Variants in CCDC30 observed in about 807,000 individuals in gnomAD.
CCDC30 encodes coiled-coil domain containing 30.
In CCDC30, 70 loss-of-function variants were observed where a neutral mutation model predicts 100.2. The ratio of observed to expected loss-of-function variants is 0.70; its 90% CI spans 0.58 to 0.85. The LOEUF (loss-of-function observed/expected upper bound fraction) is 0.85. Ranked by LOEUF, CCDC30 falls within the 40% of genes least tolerant of loss-of-function variation. The pLI, the probability that CCDC30 is intolerant of heterozygous loss-of-function variation, is 0.00. For missense variants in CCDC30, 652 were observed against 771.2 expected (o/e 0.85, Z 1.83); for synonymous variants, 233 against 269.5 (o/e 0.86, Z 1.33).
In CCDC30 at chr1:42,581,533, TCA is replaced by T; in HGVS notation, c.1001+20_1001+21del. ...AGAAGAGGTAAGAGGAGCAGAGATC[TCA>T]GTTTCCTGTGGGTTTAGCCATGACT... On this transcript the variant is annotated intron_variant, in intron 9 of 16. Transcript: ENST00000668663. 6.2e-7 allele frequency: 1 copy of T among 1,600,886 alleles called. No homozygotes were observed. The highest frequency in any genetic ancestry group is 1.7e-4 in the Middle Eastern group (1 of 5,970).
chr1:42,635,098 C>T (rs956351029), intron 11 of CCDC30, among the ~76,000 whole-genome samples: 1 of 152,118 alleles, frequency 6.6e-6, no homozygotes, highest in African/African-American at 2.4e-5. Context: ...CTCTGTTGCC[C>T]AGGCTGGAGT....
At chr1:42,636,966 A>G (rs1647170950) in intron 11 of CCDC30, among the ~76,000 whole-genome samples, 1 of 41,640 alleles carries the variant, frequency 2.4e-5, no homozygotes, top group African/African-American at 1.7e-4. Context: ...ACTCCATCTC[A>G]AAAAAAAAAA....
chr1:42,456,818 C>T, the CCDC30 span: 1 of 1,613,432 alleles, frequency 6.2e-7, no homozygotes, highest in Non-Finnish European at 8.5e-7. Flanking sequence ...GTTCTTGTAT[C>T]GCGCTCGCTC....
chr1:42,632,854 A>T (rs1647066636), intron 11 of CCDC30, among the ~76,000 whole-genome samples: 1 of 151,608 alleles, frequency 6.6e-6, no homozygotes, highest in Admixed American at 6.6e-5. Flanking sequence ...TCTGTTGCTC[A>T]GGCTGGAATG....
rs776412637 is a variant in CCDC30 at position 42,538,149 on chromosome 1, CAAAAAAAAAA to C, written c.457-28125_457-28116del. On this transcript the variant is annotated intron_variant, in intron 6 of 16. Transcript: ENST00000668663. ...GCAACATAGTGGGACACTGTCTCCA[CAAAAAAAAAA>C]AAAAAAAAAAAAAAAAAAAAATTAG... is the stretch of plus-strand genomic sequence containing the variant. Among the ~76,000 whole-genome samples the C allele has an allele frequency of 1.0e-3, 86 of 82,370 alleles. 1 individual carries two copies. The South Asian group carries it at 0.026, about 25-fold the overall frequency. The allele number at this position is 82,370 out of a possible 152,430, so 54.0% of individuals were successfully genotyped here. A position where few individuals can be genotyped will look rare whatever the true frequency, so the allele number is the denominator to read the frequency against.
intron 11 of CCDC30, among the ~76,000 whole-genome samples, chr1:42,634,270 A>C (rs11210687): frequency 0.46 from 63,923 of 140,302 alleles, 14,606 homozygotes; most frequent in African/African-American, 0.49. Context: ...AAAAAAAAAA[A>C]AAAACAAAAC....
intron 8 of CCDC30, among the ~76,000 whole-genome samples, chr1:42,578,085 T>C (rs866985873): frequency 6.6e-6 from 1 of 152,202 alleles, no homozygotes; most frequent in Admixed American, 6.5e-5. Flanking sequence ...TCATTTTAGA[T>C]TGCCCGACAC....
intron 6 of CCDC30, among the ~76,000 whole-genome samples, chr1:42,557,754 C>T (rs1163578268): frequency 8.2e-6 from 1 of 122,448 alleles, no homozygotes; most frequent in African/African-American, 3.1e-5. Context: ...ATATTAAAAG[C>T]TGATAAAATT....
At chr1:42,628,239 C>A (rs1005872068) in intron 11 of CCDC30, among the ~76,000 whole-genome samples, 3 of 152,146 alleles carry the variant, frequency 2.0e-5, no homozygotes, top group Non-Finnish European at 4.4e-5. Context: ...TTTGTTTTAG[C>A]TAATTTCTCC....
At chr1:42,511,105 A>T (rs1644471151) in intron 6 of CCDC30, among the ~76,000 whole-genome samples, 1 of 151,892 alleles carries the variant, frequency 6.6e-6, no homozygotes, top group Admixed American at 6.6e-5. Flanking sequence ...GGTGGAGGGG[A>T]AGACAGTGAG....
intron 6 of CCDC30, among the ~76,000 whole-genome samples, chr1:42,531,138 AGTGAGT>A (rs1221985903): frequency 4.1e-5 from 1 of 24,278 alleles, no homozygotes; most frequent in Non-Finnish European, 1.3e-4. Flanking sequence ...AGTAATAGTG[AGTGAGT>A]GAGTTCTCAC....
chr1:42,641,338 A>G (rs1424880442), intron 12 of CCDC30, among the ~76,000 whole-genome samples: 1 of 151,782 alleles, frequency 6.6e-6, no homozygotes, highest in Non-Finnish European at 1.5e-5. Flanking sequence ...TTGGCCTCCC[A>G]GAGTGCTGAG....
At chr1:42,609,634 C>G (rs2148639317) in intron 10 of CCDC30, among the ~76,000 whole-genome samples, 1 of 152,264 alleles carries the variant, frequency 6.6e-6, no homozygotes, top group Non-Finnish European at 1.5e-5. Context: ...TACACTTAAC[C>G]CCAACTAACC....
chr1:42,583,862 G>C (rs1379378884), intron 9 of CCDC30, among the ~76,000 whole-genome samples: 1 of 152,174 alleles, frequency 6.6e-6, no homozygotes, highest in African/African-American at 2.4e-5. Flanking sequence ...GCAACAAGGT[G>C]AAAACCATGA....
intron 11 of CCDC30, among the ~76,000 whole-genome samples, chr1:42,631,470 C>A (rs1210636676): frequency 2.6e-5 from 4 of 152,206 alleles, no homozygotes; most frequent in Non-Finnish European, 5.9e-5. Flanking sequence ...CTGCTGTAAC[C>A]ACTCCCTGGC....
At chr1:42,482,083 T>C (rs1643968905) in intron 2 of CCDC30, among the ~76,000 whole-genome samples, 2 of 151,982 alleles carry the variant, frequency 1.3e-5, no homozygotes, top group African/African-American at 4.8e-5. Flanking sequence ...CCAGTCGTGG[T>C]GGTGCGTGCC....
chr1:42,642,149 C>A (rs1291006702), intron 12 of CCDC30, among the ~76,000 whole-genome samples: 5 of 151,964 alleles, frequency 3.3e-5, no homozygotes, highest in Non-Finnish European at 7.4e-5. Context: ...TGGCATGAAC[C>A]TGGGAGGTGG....
chr1:42,610,550 T>A (rs113394413), intron 10 of CCDC30, among the ~76,000 whole-genome samples: 6,988 of 152,080 alleles, frequency 0.046, 503 homozygotes, highest in African/African-American at 0.15. Context: ...CAGCCTCCCA[T>A]GTAGCTGGGA....
intron 7 of CCDC30, among the ~76,000 whole-genome samples, chr1:42,575,948 G>T (rs1423719685): frequency 6.6e-6 from 1 of 152,134 alleles, no homozygotes; most frequent in South Asian, 2.1e-4. Context: ...AAAAAATTTG[G>T]TGTATTGGAA....
Sources: allele counts gnomAD v4.1 joint callset (sites outside exome capture counted in the v4.1 genomes callset), GRCh38; gene constraint gnomAD v4.1.1; transcripts MANE v1.5; gene names NCBI Gene and HGNC (gene_info 2026-07-23, HGNC 2026-07-21).